The following MAX variants were observed in gnomAD, a reference collection of about 807,000 sequenced individuals.
MAX encodes the protein protein max.
In MAX, 3 loss-of-function variants were observed where a neutral mutation model predicts 22.3. That is an observed-to-expected ratio of 0.13 (90% CI 0.06 to 0.35). The LOEUF (loss-of-function observed/expected upper bound fraction) is 0.35. MAX is among the 10% of genes least tolerant of loss of function. MAX has a pLI of 1.00. For missense variants in MAX, 119 were observed against 209.4 expected (o/e 0.57, Z 2.66); for synonymous variants, 72 against 77.7 (o/e 0.93, Z 0.39).
Position 65,011,431 on chromosome 14 carries a change from GAAAAAAAAAAA to G in MAX, c.172-5158_172-5148del. On this transcript the variant is annotated intron_variant, in intron 3 of 3. Transcript: ENST00000341653. The surrounding 1 kb of genome is among the most constrained non-coding windows in gnomAD (Gnocchi z 4.0). The stretch of plus-strand genomic sequence containing the variant: ...GTGACAGAGCGAGACTCCGTCTCAG[GAAAAAAAAAAA>G]AAAAAAAAAAGACTGCATGAAGGCT... Among the ~76,000 whole-genome samples the G allele has an allele frequency of 1.2e-5, 1 of 80,082 alleles. No homozygotes were observed. Among genetic ancestry groups the G allele is most frequent in the East Asian group, 3.2e-4 (1 of 3,168 alleles). The allele number at this position is 80,082 out of a possible 152,430, so 52.5% of individuals were successfully genotyped here. A position where few individuals can be genotyped will look rare whatever the true frequency, so the allele number is the denominator to read the frequency against.
Position 65,077,285 on chromosome 14 carries a change from C to T in MAX, c.296-622G>A. ...CTCAGCTTGAGCCTGGAAGGTCAAC[C>T]CATTTAATTTATTTTATTTTATTTT... On this transcript the variant is annotated intron_variant, in intron 4 of 4. Coordinates refer to ENST00000358664, the MANE Select transcript of MAX (RefSeq NM_002382.5). This position sits in a 1 kb window ranked among gnomAD's most constrained non-coding sequence, Gnocchi z 6.3. 7.9e-7 allele frequency: 1 copy of T among 1,269,320 alleles called. No homozygotes were observed. The highest frequency in any genetic ancestry group is 1.1e-6 in the Non-Finnish European group (1 of 890,110). The allele number at this position is 1,269,320 out of a possible 1,614,324, so 78.6% of individuals were successfully genotyped here. A position where few individuals can be genotyped will look rare whatever the true frequency, so the allele number is the denominator to read the frequency against.
chr14:65,028,890 G>A lies in MAX; in HGVS notation c.172-22606C>T, dbSNP rs573514546. Among the ~76,000 whole-genome samples, 5 of 152,212 alleles carry A rather than the reference G, an allele frequency of 3.3e-5. No homozygotes were observed. Among genetic ancestry groups the A allele is most frequent in the South Asian group, 2.1e-4 (1 of 4,822 alleles). On this transcript the variant is annotated intron_variant, in intron 3 of 3. Coordinates refer to the MAX transcript ENST00000341653. This position sits in a 1 kb window ranked among gnomAD's most constrained non-coding sequence, Gnocchi z 4.4. ...CCCAAAATATGCACAGTCTTGAAACGCAGCTTTTAAAAACCTACTAAGATT... is the reference window on the plus strand; with the variant it reads ...CCCAAAATATGCACAGTCTTGAAACACAGCTTTTAAAAACCTACTAAGATT...
intron 3 of MAX, chr14:65,006,303 A>C: frequency 6.2e-7 from 1 of 1,613,478 alleles, no homozygotes; most frequent in Non-Finnish European, 8.5e-7. Flanking sequence ...GGAAAGGAGG[A>C]AAAATATCAG....
chr14:65,099,286 C>T (rs2063759110), intron 2 of MAX, among the ~76,000 whole-genome samples: 1 of 151,924 alleles, frequency 6.6e-6, no homozygotes, highest in African/African-American at 2.4e-5. Context: ...GAAATATCAA[C>T]AAATAGATGT....
In MAX at chr14:65,043,550, C is replaced by T. The variant is rs553969615; in HGVS notation, c.172-37266G>A. Among the ~76,000 whole-genome samples, 12 of 152,244 alleles carry T rather than the reference C, an allele frequency of 7.9e-5. No homozygotes were observed. The South Asian group carries it at 2.1e-3, about 26-fold the overall frequency. On this transcript the variant is annotated intron_variant, in intron 3 of 3. Coordinates refer to the MAX transcript ENST00000341653. ...ATGAAATGTAGTACCAGGCCGGGCA[C>T]GGTGGCTCACGCCTGTAATCCCAGC...
In MAX at chr14:65,050,589, TCAA is replaced by T. The variant is rs779364524; in HGVS notation, c.171+43116_171+43118del. Among the ~76,000 whole-genome samples, 15 of 152,326 alleles carry T rather than the reference TCAA, an allele frequency of 9.8e-5. No homozygotes were observed. In the East Asian group the frequency reaches 1.2e-3, roughly 12 times the overall value. On this transcript the variant is annotated intron_variant, in intron 3 of 3. Coordinates refer to the MAX transcript ENST00000341653. ...CTGGGCGACAGAGCAAGATAGCATC[TCAA>T]CAACAACAACAAAAAGGTGCTAATG... is the stretch of plus-strand genomic sequence containing the variant.
intron 3 of MAX, among the ~76,000 whole-genome samples, chr14:65,036,474 C>T (rs1201512381): frequency 6.6e-6 from 1 of 151,992 alleles, no homozygotes; most frequent in Non-Finnish European, 1.5e-5. Flanking sequence ...TGAGCTTAAG[C>T]AATCCGCCTG....
rs368055151 is a variant in MAX at position 65,077,754 on chromosome 14, C to T, written c.295+159G>A. 1.5e-4 allele frequency: 248 copies of T among 1,611,236 alleles called. 1 individual carries two copies. The African/African-American group carries it at 2.1e-3, about 14-fold the overall frequency. On this transcript the variant is annotated intron_variant, in intron 4 of 4. Coordinates refer to ENST00000358664, the MANE Select transcript of MAX (RefSeq NM_002382.5). The surrounding 1 kb of genome is among the most constrained non-coding windows in gnomAD (Gnocchi z 6.3). ...TGGCGCCTCAGGTCCTTCCTCAGGA[C>T]GGCTCTAACACTCAGTTACTCAGGC...
chr14:65,065,790 C>T (rs1182029375), intron 3 of MAX, among the ~76,000 whole-genome samples: 2 of 152,204 alleles, frequency 1.3e-5, no homozygotes, highest in Non-Finnish European at 2.9e-5. Flanking sequence ...GCCTCATCTG[C>T]CCAAACAATA....
intron 3 of MAX, chr14:65,053,111 C>G (rs111723799): frequency 4.5e-5 from 29 of 647,934 alleles, no homozygotes; most frequent in African/African-American, 3.6e-4. Context: ...GCAGTTGTAC[C>G]AAGAATGAAT....
intron 3 of MAX, among the ~76,000 whole-genome samples, chr14:65,053,511 C>T (rs1365191720): frequency 1.3e-5 from 2 of 152,042 alleles, no homozygotes; most frequent in African/African-American, 4.8e-5. Context: ...TGGGAGCACC[C>T]CTTGAGGCCA....
chr14:65,039,771 C>T (rs1213732134), intron 3 of MAX, among the ~76,000 whole-genome samples: 1 of 152,134 alleles, frequency 6.6e-6, no homozygotes, highest in Admixed American at 6.5e-5. Context: ...GCCATCACCA[C>T]CTGGCCTAAT....
At chr14:65,048,672 G>C (rs1017302586) in intron 3 of MAX, among the ~76,000 whole-genome samples, 2 of 152,172 alleles carry the variant, frequency 1.3e-5, no homozygotes, top group Non-Finnish European at 1.5e-5. Context: ...GGGCAATATA[G>C]TGAGAGCTTG....
chr14:65,093,835 A>T lies in MAX; in HGVS notation c.64-20T>A, dbSNP rs2139888119. ...GTCAGCCTAGAAGAATGGGAGAAAG[A>T]ACACATTAGGAATGTCACTCCTTTT... is the stretch of plus-strand genomic sequence containing the variant. On this transcript the variant is annotated intron_variant, in intron 2 of 4. Coordinates refer to ENST00000358664, the MANE Select transcript of MAX (RefSeq NM_002382.5). The surrounding 1 kb of genome is among the most constrained non-coding windows in gnomAD (Gnocchi z 4.4). 1 of 1,348,256 alleles carries T rather than the reference A, an allele frequency of 7.4e-7. No individual in the cohort carries two copies. Among genetic ancestry groups the T allele is most frequent in the East Asian group, 2.3e-5 (1 of 43,640 alleles). 83.5% of individuals were successfully genotyped at this position (1,348,256 alleles called of 1,614,324 possible).
rs2062966032 is a variant in MAX at position 65,069,668 on chromosome 14, G to A, written c.171+24040C>T. ...GGAGTCCACTGGCACACGCACATAT[G>A]CATGCAGCATTTGTAGAGTACCCAC... On this transcript the variant is annotated intron_variant, in intron 3 of 3. Transcript: ENST00000341653. This position sits in a 1 kb window ranked among gnomAD's most constrained non-coding sequence, Gnocchi z 4.6. Among the ~76,000 whole-genome samples the A allele has an allele frequency of 6.6e-6, 1 of 152,184 alleles. No homozygotes were observed. Among genetic ancestry groups the A allele is most frequent in the Non-Finnish European group, 1.5e-5 (1 of 68,028 alleles).
intron 3 of MAX, among the ~76,000 whole-genome samples, chr14:65,080,747 C>T (rs2063179374): frequency 6.6e-6 from 1 of 152,200 alleles, no homozygotes; most frequent in African/African-American, 2.4e-5. Context: ...CAGAAGGCAA[C>T]ATTAGCTCTT....
intron 3 of MAX, among the ~76,000 whole-genome samples, chr14:65,034,088 C>T (rs2062142225): frequency 6.6e-6 from 1 of 151,936 alleles, no homozygotes; most frequent in Non-Finnish European, 1.5e-5. Flanking sequence ...TTATGAATTC[C>T]TTCCCAAATT....
chr14:65,100,178 G>A (rs191045156), intron 2 of MAX, among the ~76,000 whole-genome samples: 20 of 152,268 alleles, frequency 1.3e-4, no homozygotes, highest in South Asian at 2.1e-4. Context: ...TCGGCTGGGC[G>A]TGGTGGCTCA....
rs2063124021 is a variant in MAX, at chr14:65,078,548, G to A, written c.172-512C>T. On this transcript the variant is annotated intron_variant, in intron 3 of 4. Coordinates refer to ENST00000358664, the MANE Select transcript of MAX (RefSeq NM_002382.5). This position sits in a 1 kb window ranked among gnomAD's most constrained non-coding sequence, Gnocchi z 6.4. ...TGTTGTTGTTGTTTTTTTTTTTTTG[G>A]AGACGTAGTCTCGCTCTGTTGCCCA... Among the ~76,000 whole-genome samples, 1 of 144,580 alleles carries A rather than the reference G, an allele frequency of 6.9e-6. No homozygotes were observed. The highest frequency in any genetic ancestry group is 2.5e-5 in the African/African-American group (1 of 39,472). The allele number at this position is 144,580 out of a possible 152,430, so 94.9% of individuals were successfully genotyped here. A position where few individuals can be genotyped will look rare whatever the true frequency, so the allele number is the denominator to read the frequency against.
Sources: allele counts gnomAD v4.1 joint callset (sites outside exome capture counted in the v4.1 genomes callset), GRCh38; gene constraint gnomAD v4.1.1; non-coding constraint Gnocchi (gnomAD v3.1); transcripts MANE v1.5; gene names NCBI Gene and HGNC (gene_info 2026-07-23, HGNC 2026-07-21).